ITPR2: variants seen among roughly 807,000 people sequenced by gnomAD.
The protein encoded by ITPR2 is inositol 1,4,5-trisphosphate-gated calcium channel ITPR2.
A neutral mutation model predicts 317.1 loss-of-function variants in ITPR2; 207 were observed. That is an observed-to-expected ratio of 0.65 (90% CI 0.58 to 0.73). The LOEUF (loss-of-function observed/expected upper bound fraction) is 0.73, where lower values mean the gene tolerates loss of function less well. Among genes scored for constraint, ITPR2 ranks in the 30% least tolerant of loss-of-function variants. The pLI is 0.00. For missense variants in ITPR2, 2,613 were observed against 3,284.0 expected (o/e 0.80, Z 4.99); for synonymous variants, 1,156 against 1,149.1 (o/e 1.01, Z -0.12).
In ITPR2 at chr12:26,335,554, T is replaced by C. The variant is rs1937892660; in HGVS notation, c.*3843A>G. ...TCCAGTTCAGAGAAGGGTACCTGGA[T>C]TTGTTTTCAGCTTTCTCGATTTTCA... On this transcript the variant is annotated 3_prime_UTR_variant, in exon 57 of 57. Coordinates refer to ENST00000381340, the MANE Select transcript of ITPR2 (RefSeq NM_002223.4). Among the ~76,000 whole-genome samples, 1 of 152,224 alleles carries C rather than the reference T, an allele frequency of 6.6e-6. No homozygotes were observed. The highest frequency in any genetic ancestry group is 2.1e-4 in the South Asian group (1 of 4,830).
chr12:26,542,811 G>C (rs528751660), intron 37 of ITPR2, among the ~76,000 whole-genome samples: 1 of 152,258 alleles, frequency 6.6e-6, no homozygotes, highest in South Asian at 2.1e-4. Context: ...TTAACAGATA[G>C]GAATATAGTC....
At chr12:26,713,477 G>A (rs1948685394) in intron 8 of ITPR2, among the ~76,000 whole-genome samples, 1 of 152,166 alleles carries the variant, frequency 6.6e-6, no homozygotes, top group Admixed American at 6.5e-5. Context: ...TCATTACGGT[G>A]AGGGACGTTT....
chr12:26,663,735 G>A lies in ITPR2; in HGVS notation c.1663C>T (p.Leu555Phe). Residue 555 changes from leucine (L) to phenylalanine (F), a missense_variant, in exon 15 of 57, where the codon CTC (leucine) becomes TTC (phenylalanine). Around this residue, in one of 9 missense-constraint regions of ITPR2, gnomAD observed 515 missense variants for 789.4 expected, o/e 0.65. Coordinates refer to ENST00000381340, the MANE Select transcript of ITPR2 (RefSeq NM_002223.4). ...RYAPYKYMLR[L>F]CYRVLRHSQQ... ...GAGTGTCTCAGGACGCGGTAACAGAGCCGCAGCATGTACTTGTAGGGTGCA... is the reference window on the plus strand; with the variant it reads ...GAGTGTCTCAGGACGCGGTAACAGAACCGCAGCATGTACTTGTAGGGTGCA... 1 of 1,613,976 alleles carries A rather than the reference G, an allele frequency of 6.2e-7. No individual in the cohort carries two copies. The highest frequency in any genetic ancestry group is 8.5e-7 in the Non-Finnish European group (1 of 1,179,962).
At chr12:26,413,604 G>A (rs185700586) in intron 51 of ITPR2, among the ~76,000 whole-genome samples, 5 of 152,232 alleles carry the variant, frequency 3.3e-5, no homozygotes, top group Admixed American at 3.3e-4. Context: ...TATAATCTCA[G>A]TCTATGAAAC....
chr12:26,463,086 AG>A (rs1473221293), intron 45 of ITPR2, among the ~76,000 whole-genome samples: 2 of 152,236 alleles, frequency 1.3e-5, no homozygotes, highest in Non-Finnish European at 2.9e-5. Context: ...AATATTACTT[AG>A]TGATCTGACC....
At chr12:26,480,570 G>A (rs533701027) in intron 43 of ITPR2, among the ~76,000 whole-genome samples, 8 of 152,240 alleles carry the variant, frequency 5.3e-5, no homozygotes, top group East Asian at 3.9e-4. Context: ...AGCCGGGCAC[G>A]ATGGCTCACA....
chr12:26,534,603 C>A (rs939197922), intron 37 of ITPR2, among the ~76,000 whole-genome samples: 7 of 151,922 alleles, frequency 4.6e-5, no homozygotes, highest in Admixed American at 2.0e-4. Context: ...AAAAGAAAAC[C>A]CAAAGCTTTA....
At chr12:26,806,275 C>T (rs938883069) in intron 1 of ITPR2, among the ~76,000 whole-genome samples, 6 of 151,638 alleles carry the variant, frequency 4.0e-5, no homozygotes, top group Admixed American at 6.6e-5. Flanking sequence ...CTGCCTGGCA[C>T]GGAGTAAACA....
At chr12:26,659,584 A>G (rs1947450487) in intron 15 of ITPR2, among the ~76,000 whole-genome samples, 1 of 152,252 alleles carries the variant, frequency 6.6e-6, no homozygotes, top group Non-Finnish European at 1.5e-5. Context: ...AATTAAAGTA[A>G]GTTTTTATGA....
intron 35 of ITPR2, among the ~76,000 whole-genome samples, chr12:26,557,372 A>G (rs1944691847): frequency 6.6e-6 from 1 of 152,206 alleles, no homozygotes; most frequent in Admixed American, 6.5e-5. Flanking sequence ...TGATTACTCT[A>G]AGCAGAGGCA....
At chr12:26,817,870 G>A (rs1950885866) in intron 1 of ITPR2, among the ~76,000 whole-genome samples, 1 of 152,032 alleles carries the variant, frequency 6.6e-6, no homozygotes, top group Non-Finnish European at 1.5e-5. Context: ...CAGAGGGAGG[G>A]TGGGGGAGGC....
chr12:26,488,266 A>C (rs1262378936), intron 39 of ITPR2, among the ~76,000 whole-genome samples: 1 of 152,126 alleles, frequency 6.6e-6, no homozygotes, highest in Non-Finnish European at 1.5e-5. Flanking sequence ...GCTTGAGGAG[A>C]GATAGTATGA....
chr12:26,671,219 A>T (rs1444541955), intron 13 of ITPR2, among the ~76,000 whole-genome samples: 1 of 152,230 alleles, frequency 6.6e-6, no homozygotes, highest in Admixed American at 6.5e-5. Context: ...ATACTCCTCA[A>T]GAAGAGCAAC....
chr12:26,595,469 G>C lies in ITPR2; in HGVS notation c.4376C>G (p.Ala1459Gly), dbSNP rs145224108. Reference sequence around the variant, plus strand: ...AGTAGTCAAAATCTAACTTACCCTTGCCATATCCACCAAGAAGTTCTCAAA... The same window carrying C: ...AGTAGTCAAAATCTAACTTACCCTTCCCATATCCACCAAGAAGTTCTCAAA... Reference protein sequence around the residue: ...KLFENFLVDMARVCNTTTDRK... With the variant: ...KLFENFLVDMGRVCNTTTDRK... Residue 1459 changes from alanine to glycine, a missense_variant, in exon 32 of 57, where the codon GCA becomes GGA. Physicochemically the swap from Ala to Gly is moderately conservative, Grantham distance 60. Coordinates refer to ENST00000381340, the MANE Select transcript of ITPR2 (RefSeq NM_002223.4). The C allele has an allele frequency of 6.2e-7, 1 of 1,605,344 alleles. No homozygotes were observed.
At chr12:26,468,476 T>C (rs1369196911) in intron 45 of ITPR2, among the ~76,000 whole-genome samples, 2 of 151,934 alleles carry the variant, frequency 1.3e-5, no homozygotes, top group East Asian at 3.8e-4. Flanking sequence ...CTAGAAATAT[T>C]ATCAGCATGC....
chr12:26,729,977 GGA>G, intron 2 of ITPR2, among the ~76,000 whole-genome samples: 2 of 151,984 alleles, frequency 1.3e-5, no homozygotes, highest in Non-Finnish European at 2.9e-5. Context: ...TTTAAAAAGG[GGA>G]GAGAGAGAAG....
At chr12:26,650,775 A>C (rs1284811491) in intron 21 of ITPR2, among the ~76,000 whole-genome samples, 2 of 152,172 alleles carry the variant, frequency 1.3e-5, no homozygotes, top group Non-Finnish European at 2.9e-5. Flanking sequence ...TTCAAGTGTT[A>C]TGTACCCTCT....
rs945236659 is a variant in ITPR2 at position 26,548,499 on chromosome 12, T to C, written c.5073+1748A>G. Among the ~76,000 whole-genome samples the C allele has an allele frequency of 2.6e-5, 4 of 152,218 alleles. No homozygotes were observed. In the East Asian group the frequency reaches 7.7e-4, roughly 29 times the overall value. On this transcript the variant is annotated intron_variant, in intron 37 of 56. Coordinates refer to ENST00000381340, the MANE Select transcript of ITPR2 (RefSeq NM_002223.4). ...CTAGCACAGGAATTGTATCCATTCA[T>C]GGCCCTTGGCAAGCTGTGTCATTCA... is the stretch of plus-strand genomic sequence containing the variant.
intron 2 of ITPR2, among the ~76,000 whole-genome samples, chr12:26,787,483 T>C (rs142230997): frequency 6.6e-6 from 1 of 152,154 alleles, no homozygotes; most frequent in Non-Finnish European, 1.5e-5. Flanking sequence ...AATTACCTAG[T>C]GGGTACAGAG....
Sources: gnomAD v4.1 joint callset for allele counts (sites outside exome capture counted in the v4.1 genomes callset) on GRCh38, gnomAD v4.1.1 for gene constraint, gnomAD v4.1.1 regional missense constraint, MANE v1.5 for transcripts, NCBI Gene and HGNC (gene_info 2026-07-23, HGNC 2026-07-21) for gene names.